Variants in NRG4 observed in about 807,000 individuals in gnomAD.
NRG4 encodes pro-neuregulin-4, membrane-bound isoform.
NRG4 carries 10 observed loss-of-function variants against 15.0 expected under a neutral mutation model. The observed-to-expected ratio is 0.67, with a 90% CI of 0.41 to 1.13. NRG4 has a LOEUF of 1.13. NRG4 is among the 50% of genes most tolerant of loss of function. The pLI, the probability that NRG4 is intolerant of heterozygous loss-of-function variation, is 0.00. For missense variants in NRG4, 139 were observed against 140.2 expected, an observed-to-expected ratio of 0.99 and a Z score of 0.04; for synonymous variants, 41 against 50.1, an observed-to-expected ratio of 0.82 and a Z score of 0.77.
At chr15:76,023,325 G>T (rs1440062844) in intron 5 of NRG4, among the ~76,000 whole-genome samples, 1 of 151,844 alleles carries the variant, frequency 6.6e-6, no homozygotes, top group African/African-American at 2.4e-5. Context: ...GGAAGCAACG[G>T]AGAGTCATCT....
intron 5 of NRG4, among the ~76,000 whole-genome samples, chr15:76,019,488 C>T (rs1487792966): frequency 2.6e-5 from 4 of 152,148 alleles, no homozygotes; most frequent in Non-Finnish European, 1.5e-5. Context: ...GCCCTGATGG[C>T]GTAGGCACGT....
chr15:76,055,544 C>T (rs777791207), intron 2 of NRG4, among the ~76,000 whole-genome samples: 9 of 152,082 alleles, frequency 5.9e-5, no homozygotes, highest in Non-Finnish European at 1.2e-4. Flanking sequence ...TTACCCTGAA[C>T]TTTTATGAGT....
intron 5 of NRG4, among the ~76,000 whole-genome samples, chr15:76,018,585 C>T (rs1165558714): frequency 6.6e-6 from 1 of 152,214 alleles, no homozygotes; most frequent in African/African-American, 2.4e-5. Context: ...AGTCAAGCCT[C>T]TCTGCTGCAG....
chr15:76,029,958 C>T (rs2035428327), intron 5 of NRG4, among the ~76,000 whole-genome samples: 1 of 152,034 alleles, frequency 6.6e-6, no homozygotes, highest in Admixed American at 6.6e-5. Flanking sequence ...CAATCCTGAG[C>T]AAAAAGAACA....
chr15:76,041,680 T>C (rs953553956), intron 4 of NRG4, among the ~76,000 whole-genome samples: 3 of 152,100 alleles, frequency 2.0e-5, no homozygotes, highest in Non-Finnish European at 2.9e-5. Flanking sequence ...CCCAGATATA[T>C]AGAGCAAATA....
chr15:75,955,788 T>C, intron 5 of NRG4, 144 bp downstream of exon 5: 1 of 472,170 alleles, frequency 2.1e-6, no homozygotes, highest in Non-Finnish European at 3.6e-6. Context: ...AAAGGGTACC[T>C]GGCCAAAAAA....
chr15:76,022,738 T>C (rs895543948), intron 5 of NRG4, among the ~76,000 whole-genome samples: 5 of 152,148 alleles, frequency 3.3e-5, no homozygotes, highest in African/African-American at 1.2e-4. Flanking sequence ...TTGTAGACTT[T>C]ATCTTAAAGG....
At chr15:76,050,382 T>G (rs916449546) in intron 4 of NRG4, among the ~76,000 whole-genome samples, 2 of 149,054 alleles carry the variant, frequency 1.3e-5, no homozygotes, top group African/African-American at 5.0e-5. Flanking sequence ...GGCACCATCC[T>G]CAGTATGACA....
intron 3 of NRG4, among the ~76,000 whole-genome samples, chr15:75,975,094 C>T (rs2033303758): frequency 6.6e-6 from 1 of 152,166 alleles, no homozygotes; most frequent in Non-Finnish European, 1.5e-5. Flanking sequence ...GATCCCTTTA[C>T]CATTATGTAA....
At chr15:75,992,316 A>G (rs552152126) in intron 3 of NRG4, among the ~76,000 whole-genome samples, 1 of 152,216 alleles carries the variant, frequency 6.6e-6, no homozygotes, top group Non-Finnish European at 1.5e-5. Context: ...AAAGTTCTTC[A>G]TCCCTTTCTG....
chr15:76,044,046 G>A (rs555395241), intron 4 of NRG4, among the ~76,000 whole-genome samples: 8 of 152,084 alleles, frequency 5.3e-5, no homozygotes, highest in East Asian at 1.9e-4. Context: ...GCGGGACTGC[G>A]GACTGCAGTG....
At chr15:76,005,749 A>G (rs545643210) in intron 3 of NRG4, 1 of 429,934 alleles carries the variant, frequency 2.3e-6, no homozygotes, top group South Asian at 1.7e-5. Flanking sequence ...CTTACTATTC[A>G]TTAAGTGGAA....
At chr15:76,011,762 T>C (rs1038014639) in intron 1 of NRG4, among the ~76,000 whole-genome samples, 7 of 152,154 alleles carry the variant, frequency 4.6e-5, no homozygotes, top group African/African-American at 1.7e-4. Context: ...CCAGGGCTGA[T>C]AGGTGCGGCA....
In NRG4 at chr15:75,964,289, T is replaced by C. The variant is rs2032681820; in HGVS notation, c.105-2315A>G. 2.0e-5 allele frequency among the ~76,000 whole-genome samples: 3 copies of C among 152,068 alleles called. No homozygotes were observed. In the South Asian group the frequency reaches 6.2e-4, roughly 32 times the overall value. ...GTAAAAGAAACTGGGTGCTAAACGG[T>C]TTTCAAAAGTATCTTTAAAATAACA... On this transcript the variant is annotated intron_variant, in intron 3 of 5. Transcript: ENST00000394907.
At chr15:75,984,899 C>T (rs533195584) in intron 3 of NRG4, among the ~76,000 whole-genome samples, 3 of 152,232 alleles carry the variant, frequency 2.0e-5, no homozygotes, top group Admixed American at 6.5e-5. Context: ...GGCTAGAATG[C>T]AGTGATGCAA....
chr15:75,963,717 G>T (rs1052575342), intron 3 of NRG4, among the ~76,000 whole-genome samples: 18 of 150,208 alleles, frequency 1.2e-4, no homozygotes, highest in Admixed American at 9.3e-4. Flanking sequence ...GGCGGAGGTT[G>T]CAGTGAGCTG....
At chr15:75,954,606 G>A (rs932444717) in intron 5 of NRG4, among the ~76,000 whole-genome samples, 2 of 150,806 alleles carry the variant, frequency 1.3e-5, no homozygotes, top group African/African-American at 4.9e-5. Flanking sequence ...TTGTATTTTA[G>A]TAGAGATGGG....
chr15:76,013,854 A>G (rs532384673), upstream of NRG4, among the ~76,000 whole-genome samples: 127 of 152,292 alleles, frequency 8.3e-4, no homozygotes, highest in African/African-American at 3.0e-3. Flanking sequence ...TTGGGTATAT[A>G]CCCAGTAATT....
At chr15:75,970,923 A>G (rs2033062650) in intron 3 of NRG4, among the ~76,000 whole-genome samples, 1 of 152,236 alleles carries the variant, frequency 6.6e-6, no homozygotes, top group African/African-American at 2.4e-5. Context: ...TTCTCCAGAG[A>G]AAGACTGAAG....
Sources: allele counts gnomAD v4.1 joint callset (sites outside exome capture counted in the v4.1 genomes callset), GRCh38; gene constraint gnomAD v4.1.1; transcripts MANE v1.5; gene names NCBI Gene and HGNC (gene_info 2026-07-23, HGNC 2026-07-21).